STS: variants seen among roughly 807,000 people sequenced by gnomAD.
The protein encoded by STS is steroid sulfatase.
In STS, 7 loss-of-function variants were observed where a neutral mutation model predicts 26.8. That is an observed-to-expected ratio of 0.26 (90% confidence interval 0.15 to 0.49). STS has a LOEUF of 0.49. Ranked by LOEUF, STS falls within the 20% of genes least tolerant of loss-of-function variation. The probability of loss-of-function intolerance (pLI) is 0.98; values close to 1 mark genes in which losing one functional copy is unlikely to be tolerated. For synonymous variants in STS, 199 were observed against 189.4 expected, an observed-to-expected ratio of 1.05 and a Z score of -0.42; for missense variants, 434 against 465.6, an observed-to-expected ratio of 0.93 and a Z score of 0.63.
At chrX:7,180,200 C>T (rs1031637315) in intron 1 of STS, among the ~76,000 whole-genome samples, 11 of 111,250 alleles carry the variant, frequency 9.9e-5, no homozygotes, top group Middle Eastern at 9.3e-3. Context: ...CATTATAATA[C>T]GTAATAAAAT....
intron 6 of STS, among the ~76,000 whole-genome samples, chrX:7,273,763 A>T (rs1020268420): frequency 2.7e-5 from 3 of 111,014 alleles, no homozygotes; most frequent in Non-Finnish European, 5.7e-5. Flanking sequence ...ATGAATTTGT[A>T]TGCCCTTTCT....
intron 1 of STS, among the ~76,000 whole-genome samples, chrX:7,183,031 C>T (rs188677671): frequency 2.7e-5 from 3 of 111,939 alleles, no homozygotes; most frequent in Non-Finnish European, 3.8e-5. Context: ...TGTGAAGACA[C>T]GCAGCACAAA....
In STS at chrX:7,340,585, G is replaced by T. The variant is rs1928237959; in HGVS notation, c.1363+6478G>T. ...ATATTTACTGTCTGCCCGACAGTTTGTCAAGAACATTGTATTTGATATCTC... is the reference window on the plus strand; with the variant it reads ...ATATTTACTGTCTGCCCGACAGTTTTTCAAGAACATTGTATTTGATATCTC... On this transcript the variant is annotated intron_variant, in intron 10 of 10. Transcript: ENST00000674429. 2.7e-5 allele frequency among the ~76,000 whole-genome samples: 3 copies of T among 112,076 alleles called. No individual in the cohort carries two copies. The South Asian group carries it at 1.1e-3, about 41-fold the overall frequency.
chrX:7,329,157 A>G (rs1927630047), intron 9 of STS, among the ~76,000 whole-genome samples: 1 of 112,398 alleles, frequency 8.9e-6, no homozygotes, highest in Non-Finnish European at 1.9e-5. Flanking sequence ...ATCACACAGT[A>G]CCTTATTTAA....
rs760476947 is a variant in STS at position 7,287,299 on chromosome X, T to C, written c.943+11212T>C. ...GTGTTTTTTTAGTGTTTTCCACACT[T>C]TGTATAAATGTTTTTCTGATTACCA... On this transcript the variant is annotated intron_variant, in intron 7 of 10. Transcript: ENST00000674429. Among the ~76,000 whole-genome samples the C allele has an allele frequency of 3.6e-5, 4 of 111,714 alleles. No homozygotes were observed. The East Asian group carries it at 1.1e-3, about 31-fold the overall frequency.
At chrX:7,238,934 G>A (rs60409029) in intron 2 of STS, among the ~76,000 whole-genome samples, 4,906 of 111,278 alleles carry the variant, frequency 0.044, 126 homozygotes, top group Non-Finnish European at 0.052. Context: ...GAAGACTTCA[G>A]TGTAAAGACT....
At chrX:7,277,066 G>A (rs760769481) in intron 7 of STS, among the ~76,000 whole-genome samples, 11 of 111,234 alleles carry the variant, frequency 9.9e-5, no homozygotes, top group African/African-American at 2.3e-4. Context: ...AGGCCTTAGT[G>A]TGTGAGTTAC....
chrX:7,318,019 A>G (rs757221667), intron 8 of STS, among the ~76,000 whole-genome samples: 2 of 111,818 alleles, frequency 1.8e-5, no homozygotes, highest in Non-Finnish European at 3.8e-5. Flanking sequence ...TATACCTAAT[A>G]CCATCAATTA....
At chrX:7,188,802 G>C (rs189751723) in intron 1 of STS, among the ~76,000 whole-genome samples, 83 of 111,493 alleles carry the variant, frequency 7.4e-4, no homozygotes, top group African/African-American at 2.3e-3. Context: ...AAGGAGAGAC[G>C]CCCAATTGTT....
chrX:7,323,191 C>G (rs1181302131), intron 8 of STS, among the ~76,000 whole-genome samples: 6 of 110,761 alleles, frequency 5.4e-5, no homozygotes, highest in African/African-American at 2.0e-4. Flanking sequence ...CCGTTGTAAT[C>G]ATTGACCACA....
intron 7 of STS, among the ~76,000 whole-genome samples, chrX:7,301,748 G>A (rs964415283): frequency 1.8e-5 from 2 of 111,809 alleles, no homozygotes; most frequent in Non-Finnish European, 3.8e-5. Flanking sequence ...GGTAATGACT[G>A]ATCTGTTTAA....
chrX:7,199,857 C>T (rs1196141686), intron 2 of STS, among the ~76,000 whole-genome samples: 1 of 84,156 alleles, frequency 1.2e-5, no homozygotes, highest in African/African-American at 4.5e-5. Context: ...AATTTAAGGA[C>T]ATTTTTCTTT....
At chrX:7,215,862 A>G (rs765459564) in intron 2 of STS, among the ~76,000 whole-genome samples, 1 of 111,116 alleles carries the variant, frequency 9.0e-6, no homozygotes, top group South Asian at 3.8e-4. Context: ...TCCTGTCCAC[A>G]CTGCTGTTAG....
In STS at chrX:7,242,288, G is replaced by A. The variant is rs1173551085; in HGVS notation, c.-4-10908G>A. ...ACATAACATTTTATTATTATTAATAGTTGTAATTTTAATAATAACTTTATA... is the reference window on the plus strand; with the variant it reads ...ACATAACATTTTATTATTATTAATAATTGTAATTTTAATAATAACTTTATA... On this transcript the variant is annotated intron_variant, in intron 2 of 10. Coordinates refer to ENST00000674429, the MANE Select transcript of STS (RefSeq NM_001320752.2). 3.6e-5 allele frequency among the ~76,000 whole-genome samples: 4 copies of A among 110,420 alleles called. No individual in the cohort carries two copies. In the East Asian group the frequency reaches 1.1e-3, roughly 31 times the overall value.
chrX:7,333,214 G>T (rs1324227877), intron 9 of STS, among the ~76,000 whole-genome samples: 1 of 112,234 alleles, frequency 8.9e-6, no homozygotes, highest in African/African-American at 3.2e-5. Context: ...TGATGGCAAT[G>T]GCCTAATGGT....
chrX:7,247,692 T>A (rs571149822), intron 2 of STS, among the ~76,000 whole-genome samples: 2 of 111,910 alleles, frequency 1.8e-5, no homozygotes, highest in Non-Finnish European at 3.8e-5. Context: ...CTCCCAGCAA[T>A]GGCTGGTAGA....
intron 1 of STS, among the ~76,000 whole-genome samples, chrX:7,151,695 A>G (rs1191241335): frequency 6.3e-5 from 7 of 110,966 alleles, no homozygotes; most frequent in African/African-American, 2.3e-4. Context: ...TCAGAGTGCA[A>G]ACTGGCTCTG....
At chrX:7,246,481 G>T (rs1420530833) in intron 2 of STS, among the ~76,000 whole-genome samples, 37 of 109,154 alleles carry the variant, frequency 3.4e-4, no homozygotes, top group Non-Finnish European at 6.1e-4. Flanking sequence ...TTTTTTTTTG[G>T]ATTTTTAGTA....
chrX:7,325,332 C>G lies in STS; in HGVS notation c.1082-7C>G. Reference sequence around the variant, plus strand: ...TGTTGCCTCTTACCTCTTTTTTGATCTTTTAGGAGGAAAAGCAAACAACTG... The same window carrying G: ...TGTTGCCTCTTACCTCTTTTTTGATGTTTTAGGAGGAAAAGCAAACAACTG... On this transcript the variant is annotated splice_region_variant and splice_polypyrimidine_tract_variant and intron_variant, in intron 8 of 10. Coordinates refer to ENST00000674429, the MANE Select transcript of STS (RefSeq NM_001320752.2). 8.3e-7 allele frequency: 1 copy of G among 1,210,734 alleles called. No homozygotes were observed. Among genetic ancestry groups the G allele is most frequent in the Non-Finnish European group, 1.1e-6 (1 of 894,984 alleles).
Sources: allele counts gnomAD v4.1 joint callset (sites outside exome capture counted in the v4.1 genomes callset), GRCh38; gene constraint gnomAD v4.1.1; transcripts MANE v1.5; gene names NCBI Gene and HGNC (gene_info 2026-07-23, HGNC 2026-07-21).